The following SYT2 variants were observed in gnomAD, a reference collection of about 807,000 sequenced individuals.
SYT2 encodes synaptotagmin 2.
In SYT2, 15 loss-of-function variants were observed where a neutral mutation model predicts 39.9. The ratio of observed to expected loss-of-function variants is 0.38; its 90% CI spans 0.25 to 0.58. The LOEUF (loss-of-function observed/expected upper bound fraction) is 0.58, where lower values mean the gene tolerates loss of function less well. Among genes scored for constraint, SYT2 ranks in the 20% least tolerant of loss-of-function variants. The pLI is 0.70. For missense variants in SYT2, 389 were observed against 530.3 expected, an observed-to-expected ratio of 0.73 and a Z score of 2.62; for synonymous variants, 181 against 204.5, an observed-to-expected ratio of 0.89 and a Z score of 0.98.
At chr1:202,691,714 AGG>A (rs1558463278) in intron 1 of SYT2, among the ~76,000 whole-genome samples, 1 of 50,432 alleles carries the variant, frequency 2.0e-5, no homozygotes. Flanking sequence ...GGAGAGGGAG[AGG>A]GAGAGGGAGA....
intron 1 of SYT2, among the ~76,000 whole-genome samples, chr1:202,680,848 G>A (rs762291782): frequency 1.8e-4 from 27 of 152,286 alleles, no homozygotes; most frequent in Non-Finnish European, 2.9e-4. Flanking sequence ...GAGCTTGCAT[G>A]TGGATTTCCG....
intron 1 of SYT2, among the ~76,000 whole-genome samples, chr1:202,682,045 C>G (rs907415899): frequency 4.6e-5 from 7 of 152,324 alleles, no homozygotes; most frequent in African/African-American, 1.7e-4. Context: ...GAAATCCAGC[C>G]TCCCAGACCA....
intron 1 of SYT2, among the ~76,000 whole-genome samples, chr1:202,619,099 G>A (rs1235869361): frequency 1.3e-5 from 2 of 152,184 alleles, no homozygotes; most frequent in Non-Finnish European, 2.9e-5. Context: ...ACTCTAGGAG[G>A]CAGGGCTCCT....
Position 202,658,980 on chromosome 1 carries a change from G to A in SYT2, c.-18+51278C>T, listed in dbSNP as rs186353798. Among the ~76,000 whole-genome samples the A allele has an allele frequency of 9.2e-5, 14 of 152,278 alleles. 1 individual carries two copies. The highest frequency in any genetic ancestry group is 1.3e-4 in the Non-Finnish European group (9 of 68,034). ...CAATTTCCCAGTCCCTAGGGGATCC[G>A]GCATAAGCCTCCTTCACATAGAGGC... On this transcript the variant is annotated intron_variant, in intron 1 of 8. Transcript: ENST00000367268.
intron 1 of SYT2, among the ~76,000 whole-genome samples, chr1:202,682,986 A>G (rs1653564482): frequency 6.6e-6 from 1 of 152,216 alleles, no homozygotes; most frequent in South Asian, 2.1e-4. Context: ...GCCAATAAGC[A>G]TTTGGAAAGG....
intron 3 of SYT2, among the ~76,000 whole-genome samples, chr1:202,603,430 G>A (rs942495166): frequency 1.3e-5 from 2 of 152,116 alleles, no homozygotes; most frequent in African/African-American, 2.4e-5. Context: ...AGCTTCTAGG[G>A]GCTGGTGTGG....
chr1:202,625,026 TGTGTGTGGTGTGTGTGGTGTCTAGTAGG>T (rs1454951738), intron 1 of SYT2, among the ~76,000 whole-genome samples: 10 of 1,418 alleles, frequency 7.1e-3, no homozygotes, highest in South Asian at 0.042. Flanking sequence ...TAGTAGGTTG[TGTGTGTGGTGTGTGTGGTGTCTAGTAGG>T]GTGTGTGGTG....
intron 1 of SYT2, among the ~76,000 whole-genome samples, chr1:202,613,112 G>A (rs1442532215): frequency 1.8e-5 from 2 of 112,226 alleles, no homozygotes; most frequent in African/African-American, 3.5e-5. Flanking sequence ...ACAGAGTCTC[G>A]CTCTGTCGCC....
At chr1:202,606,655 C>T (rs1175876695) in intron 1 of SYT2, among the ~76,000 whole-genome samples, 1 of 152,184 alleles carries the variant, frequency 6.6e-6, no homozygotes, top group Non-Finnish European at 1.5e-5. Flanking sequence ...TACTCTGTGG[C>T]CCCTACTCCA....
intron 2 of SYT2, 76 bp from the exon 3 acceptor site, chr1:202,604,697 T>A: frequency 1.4e-6 from 2 of 1,458,000 alleles, no homozygotes; most frequent in Non-Finnish European, 1.9e-6. Flanking sequence ...TTGGGAAAAA[T>A]GGGTGAGGAA....
intron 1 of SYT2, among the ~76,000 whole-genome samples, chr1:202,708,307 G>A (rs888326406): frequency 1.9e-4 from 29 of 152,202 alleles, no homozygotes; most frequent in Admixed American, 1.5e-3. Context: ...CCAGCAGAGT[G>A]GTCTGGTCTC....
intron 1 of SYT2, among the ~76,000 whole-genome samples, chr1:202,700,347 G>C (rs1654080787): frequency 6.6e-6 from 1 of 152,164 alleles, no homozygotes; most frequent in African/African-American, 2.4e-5. Flanking sequence ...GCACTCTAGG[G>C]GAGCATGAGG....
chr1:202,686,640 C>T (rs530237002), intron 1 of SYT2, among the ~76,000 whole-genome samples: 124 of 152,260 alleles, frequency 8.1e-4, no homozygotes, highest in Middle Eastern at 3.4e-3. Flanking sequence ...CACCTCTAGG[C>T]CTGGACAGAC....
chr1:202,647,477 T>C (rs1488440562), intron 1 of SYT2, among the ~76,000 whole-genome samples: 2 of 151,978 alleles, frequency 1.3e-5, no homozygotes, highest in African/African-American at 4.8e-5. Context: ...CCGTACTCCA[T>C]GAGCACCCCC....
chr1:202,636,965 C>T (rs1406183011), intron 1 of SYT2, among the ~76,000 whole-genome samples: 2 of 152,212 alleles, frequency 1.3e-5, no homozygotes, highest in Non-Finnish European at 2.9e-5. Flanking sequence ...GGTTTAACCA[C>T]TGCACCACAG....
At chr1:202,694,774 A>C (rs1572684117) in intron 1 of SYT2, among the ~76,000 whole-genome samples, 11 of 140,756 alleles carry the variant, frequency 7.8e-5, no homozygotes, top group African/African-American at 1.9e-4. Flanking sequence ...TCCTCCCTCT[A>C]CCCCTCTCCT....
chr1:202,703,083 C>G (rs1654159803), intron 1 of SYT2, among the ~76,000 whole-genome samples: 1 of 152,212 alleles, frequency 6.6e-6, no homozygotes, highest in Non-Finnish European at 1.5e-5. Flanking sequence ...ATCATTAGTT[C>G]AGACTGGAAT....
intron 1 of SYT2, among the ~76,000 whole-genome samples, chr1:202,686,693 A>C (rs940660630): frequency 6.6e-6 from 1 of 152,202 alleles, no homozygotes; most frequent in South Asian, 2.1e-4. Context: ...TGTCATTCCT[A>C]CGTCATTGTC....
intron 1 of SYT2, among the ~76,000 whole-genome samples, chr1:202,616,947 C>T (rs1404224456): frequency 6.6e-6 from 1 of 152,230 alleles, no homozygotes; most frequent in Non-Finnish European, 1.5e-5. Context: ...CGCCTCCAGT[C>T]AGTTCCGTAT....
Sources: gnomAD v4.1 joint callset for allele counts (sites outside exome capture counted in the v4.1 genomes callset) on GRCh38, gnomAD v4.1.1 for gene constraint, MANE v1.5 for transcripts, NCBI Gene and HGNC (gene_info 2026-07-23, HGNC 2026-07-21) for gene names.